The following ST3GAL3 variants were observed in gnomAD, a reference collection of about 807,000 sequenced individuals.
ST3GAL3 encodes the protein CMP-N-acetylneuraminate-beta-1,4-galactoside alpha-2,3-sialyltransferase.
In ST3GAL3, 21 loss-of-function variants were observed where a neutral mutation model predicts 50.1. That is an observed-to-expected ratio of 0.42 (90% CI 0.30 to 0.60). The LOEUF is 0.60. Ranked by LOEUF, ST3GAL3 falls within the 20% of genes least tolerant of loss-of-function variation. ST3GAL3 has a pLI of 0.19. For missense variants in ST3GAL3, 353 were observed against 489.4 expected (o/e 0.72, Z 2.63); for synonymous variants, 183 against 190.0 (o/e 0.96, Z 0.30).
chr1:43,790,258 T>G (rs72678691), intron 2 of ST3GAL3, among the ~76,000 whole-genome samples: 28,666 of 152,186 alleles, frequency 0.19, 3,372 homozygotes, highest in African/African-American at 0.31. Flanking sequence ...TTTATGAAAC[T>G]TACAACCTAG....
chr1:43,751,429 A>C (rs955062971), intron 2 of ST3GAL3, among the ~76,000 whole-genome samples: 5 of 152,332 alleles, frequency 3.3e-5, no homozygotes, highest in African/African-American at 1.2e-4. Flanking sequence ...AGGTGTGCAC[A>C]TTGCATTGTT....
At chr1:43,894,797 T>C (rs548926871) in intron 6 of ST3GAL3, among the ~76,000 whole-genome samples, 1 of 152,224 alleles carries the variant, frequency 6.6e-6, no homozygotes, top group East Asian at 1.9e-4. Flanking sequence ...GCCTGGCTTA[T>C]TTTTTCTTCG....
chr1:43,750,759 G>T (rs755800996), intron 2 of ST3GAL3, among the ~76,000 whole-genome samples: 1 of 151,682 alleles, frequency 6.6e-6, no homozygotes, highest in Non-Finnish European at 1.5e-5. Context: ...TTAGCCCAGC[G>T]TGGTGGTGTG....
intron 5 of ST3GAL3, among the ~76,000 whole-genome samples, chr1:43,859,719 G>A (rs2069424887): frequency 6.6e-6 from 1 of 152,186 alleles, no homozygotes; most frequent in Non-Finnish European, 1.5e-5. Context: ...TCCTCCAAAT[G>A]GGGCAAGGCA....
In ST3GAL3 at chr1:43,920,875, C is replaced by T. The variant is rs1472230482; in HGVS notation, c.985C>T (p.Pro329Ser). The change falls in exon 11 of 12, where the codon CCC becomes TCC. Residue 329 changes from proline (P) to serine (S), a missense_variant. By Grantham distance (74) the Pro-to-Ser change is moderately conservative. Transcript: ENST00000347631. ...VAGFGYDMST[P>S]NAPLHYYETV... ...AGGATTTGGCTATGACATGAGCACA[C>T]CCAACGCACCCCTGCACTACTATGA... is the stretch of plus-strand genomic sequence containing the variant. 2 of 1,614,158 alleles carry T rather than the reference C, an allele frequency of 1.2e-6. No individual in the cohort carries two copies. The highest frequency in any genetic ancestry group is 8.5e-7 in the Non-Finnish European group (1 of 1,180,022).
At chr1:43,719,779 A>G (rs1271900849) in intron 1 of ST3GAL3, among the ~76,000 whole-genome samples, 9 of 151,938 alleles carry the variant, frequency 5.9e-5, no homozygotes, top group African/African-American at 1.9e-4. Context: ...CTAAAAATAC[A>G]AAAATTAGCC....
chr1:43,765,799 GCGTC>G (rs1351907890), intron 2 of ST3GAL3, among the ~76,000 whole-genome samples: 7 of 143,384 alleles, frequency 4.9e-5, no homozygotes, highest in Non-Finnish European at 8.9e-5. Context: ...GCGCGCGCGC[GCGTC>G]CGCGCGTCCG....
At chr1:43,810,097 A>G (rs1250209305) in intron 3 of ST3GAL3, among the ~76,000 whole-genome samples, 1 of 152,156 alleles carries the variant, frequency 6.6e-6, no homozygotes, top group East Asian at 1.9e-4. Context: ...TGGGACTTCA[A>G]GCAGCCCTAA....
At chr1:43,757,940 C>A (rs1217656338) in intron 2 of ST3GAL3, among the ~76,000 whole-genome samples, 1 of 152,008 alleles carries the variant, frequency 6.6e-6, no homozygotes, top group African/African-American at 2.4e-5. Flanking sequence ...AAAACAAAGT[C>A]AATACAAGAC....
intron 1 of ST3GAL3, among the ~76,000 whole-genome samples, chr1:43,728,378 A>C (rs1673986148): frequency 8.0e-6 from 1 of 124,906 alleles, no homozygotes; most frequent in Non-Finnish European, 1.8e-5. Flanking sequence ...ATCAAAATCT[A>C]GGTACTAGAT....
intron 5 of ST3GAL3, chr1:43,841,514 T>TG (rs1418909487): frequency 2.0e-5 from 3 of 152,326 alleles, no homozygotes; most frequent in Admixed American, 2.0e-4. Flanking sequence ...GCCTGAGCTG[T>TG]ACCTTGCCCT....
rs549187440 is a variant in ST3GAL3, at chr1:43,848,407, G to T, written c.302+10096G>T. Among the ~76,000 whole-genome samples, 3 of 144,830 alleles carry T rather than the reference G, an allele frequency of 2.1e-5. No homozygotes were observed. In the Admixed American group the frequency reaches 2.2e-4, roughly 11 times the overall value. The stretch of plus-strand genomic sequence containing the variant: ...TGCAACCTCCGCCTCCTGGGTTCAA[G>T]CAATTCTCCTACCTCAGCCTCCCGA... On this transcript the variant is annotated intron_variant, in intron 5 of 11. Coordinates refer to ENST00000347631, the MANE Select transcript of ST3GAL3 (RefSeq NM_006279.5).
rs538150987 is a variant in ST3GAL3, at chr1:43,885,560, A to G, written c.303-8823A>G. Among the ~76,000 whole-genome samples the G allele has an allele frequency of 4.6e-5, 7 of 152,206 alleles. No homozygotes were observed. In the South Asian group the frequency reaches 1.2e-3, roughly 27 times the overall value. On this transcript the variant is annotated intron_variant, in intron 5 of 11. Coordinates refer to ENST00000347631, the MANE Select transcript of ST3GAL3 (RefSeq NM_006279.5). ...GTCCCACACCCCCGCTAGTCTGACC[A>G]GTCATTCTATACCTTAAGGGCCACC...
At chr1:43,789,424 T>A (rs1356852596) in intron 2 of ST3GAL3, among the ~76,000 whole-genome samples, 1 of 152,152 alleles carries the variant, frequency 6.6e-6, no homozygotes, top group East Asian at 1.9e-4. Context: ...GTTATGGAGC[T>A]CTGTTAATTT....
chr1:43,825,962 A>G (rs1433105249), intron 4 of ST3GAL3, among the ~76,000 whole-genome samples: 1 of 152,146 alleles, frequency 6.6e-6, no homozygotes, highest in Non-Finnish European at 1.5e-5. Context: ...ATACTAATCC[A>G]TAGATATTAA....
chr1:43,789,330 G>A (rs1367752965), intron 2 of ST3GAL3, among the ~76,000 whole-genome samples: 1 of 152,146 alleles, frequency 6.6e-6, no homozygotes. Flanking sequence ...TCCTGGGGTT[G>A]GAGGTTGGGG....
intron 2 of ST3GAL3, among the ~76,000 whole-genome samples, chr1:43,744,999 G>T (rs201587941): frequency 1.3e-5 from 1 of 74,242 alleles, no homozygotes; most frequent in Admixed American, 1.3e-4. Context: ...TGAAAAAAAA[G>T]AAAAAAGAAA....
At chr1:43,926,857 T>C (rs2084055456) in intron 11 of ST3GAL3, among the ~76,000 whole-genome samples, 1 of 152,076 alleles carries the variant, frequency 6.6e-6, no homozygotes, top group African/African-American at 2.4e-5. Context: ...TTTTTTATGA[T>C]GGAAATTGTC....
chr1:43,763,365 T>A (rs1691281072), intron 2 of ST3GAL3, among the ~76,000 whole-genome samples: 1 of 152,212 alleles, frequency 6.6e-6, no homozygotes, highest in African/African-American at 2.4e-5. Flanking sequence ...TTATATTCCT[T>A]ACAATTACGA....
Sources: allele counts gnomAD v4.1 joint callset (sites outside exome capture counted in the v4.1 genomes callset), GRCh38; gene constraint gnomAD v4.1.1; transcripts MANE v1.5; gene names NCBI Gene and HGNC (gene_info 2026-07-23, HGNC 2026-07-21).